ERO1B: variants seen among roughly 807,000 people sequenced by gnomAD.
ERO1B encodes the protein endoplasmic reticulum oxidoreductase 1 beta, also known as ERO1-like protein beta.
In ERO1B, 49 loss-of-function variants were observed where a neutral mutation model predicts 75.3. That is an observed-to-expected ratio of 0.65 (90% confidence interval 0.52 to 0.83). The LOEUF (loss-of-function observed/expected upper bound fraction) is 0.83. Ranked by LOEUF, ERO1B falls within the 40% of genes least tolerant of loss-of-function variation. ERO1B has a pLI of 0.00. For missense variants in ERO1B, 512 were observed against 560.1 expected, an observed-to-expected ratio of 0.91 and a Z score of 0.87; for synonymous variants, 191 against 192.9, an observed-to-expected ratio of 0.99 and a Z score of 0.08.
At chr1:236,230,077 C>T in intron 10 of ERO1B, 147 bp downstream of exon 10, 1 of 627,504 alleles carries the variant, frequency 1.6e-6, no homozygotes, top group Non-Finnish European at 2.8e-6. Flanking sequence ...TAATTTTATC[C>T]CCATATGTTA....
At chr1:236,268,517 A>G (rs1665507661) in intron 2 of ERO1B, among the ~76,000 whole-genome samples, 1 of 152,204 alleles carries the variant, frequency 6.6e-6, no homozygotes, top group Non-Finnish European at 1.5e-5. Flanking sequence ...AGATAGATTG[A>G]TCAATCGATA....
intron 1 of ERO1B, among the ~76,000 whole-genome samples, chr1:236,272,768 G>A (rs2695041): frequency 0.91 from 139,317 of 152,260 alleles, 64,972 homozygotes; most frequent in East Asian, 1. Flanking sequence ...TTCTGGTAAT[G>A]CATCCCTAAA....
intron 1 of ERO1B, among the ~76,000 whole-genome samples, chr1:236,276,488 T>C (rs2102968231): frequency 6.6e-6 from 1 of 152,296 alleles, no homozygotes; most frequent in Non-Finnish European, 1.5e-5. Context: ...AAAAGTTTAG[T>C]ATCCAGGATG....
chr1:236,233,511 C>A (rs2463185), intron 8 of ERO1B, among the ~76,000 whole-genome samples: 66,945 of 149,904 alleles, frequency 0.45, 17,673 homozygotes, highest in Middle Eastern at 0.61. Context: ...AGGCAGAGAA[C>A]TGCTTGAACC....
At chr1:236,275,599 T>C (rs1665693705) in intron 1 of ERO1B, among the ~76,000 whole-genome samples, 1 of 152,154 alleles carries the variant, frequency 6.6e-6, no homozygotes, top group South Asian at 2.1e-4. Flanking sequence ...CACCCACCTC[T>C]CCCCTTCCTG....
At chr1:236,235,740 C>T (rs369013268) in intron 8 of ERO1B, 49 bp downstream of exon 8, 7 of 1,482,118 alleles carry the variant, frequency 4.7e-6, no homozygotes, top group African/African-American at 1.4e-5. Context: ...GTTATAAAGA[C>T]ATTTTATAAA....
chr1:236,246,311 G>A (rs905805437), intron 5 of ERO1B, among the ~76,000 whole-genome samples: 2 of 151,916 alleles, frequency 1.3e-5, no homozygotes, highest in African/African-American at 4.8e-5. Flanking sequence ...TGGGACTATA[G>A]GCTCATGCCA....
chr1:236,262,258 A>G (rs1665309652), intron 2 of ERO1B, among the ~76,000 whole-genome samples: 1 of 152,250 alleles, frequency 6.6e-6, no homozygotes, highest in Non-Finnish European at 1.5e-5. Context: ...AGTCTCTTTA[A>G]TAAAGTGTTG....
At chr1:236,266,603 CAAA>C (rs575184748) in intron 2 of ERO1B, among the ~76,000 whole-genome samples, 1 of 135,248 alleles carries the variant, frequency 7.4e-6, no homozygotes, top group African/African-American at 2.7e-5. Context: ...GACTCTGTCT[CAAA>C]AAAAAAAAAA....
Position 236,281,841 on chromosome 1 carries a change from C to T in ERO1B, c.-58G>A. ...CCCCTCGGGGCCGGGGAACGACGGG[C>T]GGCCCAGGCGACGACCCAAGGGGAC... On this transcript the variant is annotated 5_prime_UTR_variant, in exon 1 of 16. Coordinates refer to ENST00000354619, the MANE Select transcript of ERO1B (RefSeq NM_019891.4). The T allele has an allele frequency of 1.6e-6, 2 of 1,281,920 alleles. No individual in the cohort carries two copies. The highest frequency in any genetic ancestry group is 2.0e-6 in the Non-Finnish European group (2 of 987,960). 79.4% of individuals were successfully genotyped at this position (1,281,920 alleles called of 1,614,324 possible).
intron 8 of ERO1B, among the ~76,000 whole-genome samples, chr1:236,235,375 A>G (rs1393435860): frequency 6.6e-6 from 1 of 152,236 alleles, no homozygotes; most frequent in South Asian, 2.1e-4. Context: ...ACTGGCTGTC[A>G]AACTTGGTTG....
At chr1:236,219,398 C>T (rs1434041482) in intron 15 of ERO1B, among the ~76,000 whole-genome samples, 1 of 152,056 alleles carries the variant, frequency 6.6e-6, no homozygotes, top group East Asian at 1.9e-4. Context: ...AGATATAGAA[C>T]TAAAACAAGA....
At position 236,216,298 on chromosome 1, in the gene ERO1B, G is replaced by C. The variant is rs967285047; in HGVS notation, c.*2218C>G. On this transcript the variant is annotated 3_prime_UTR_variant, in exon 16 of 16. Coordinates refer to ENST00000354619, the MANE Select transcript of ERO1B (RefSeq NM_019891.4). ...GCAAAGCATTTTTACAATGCAAACAGTACTCTAGTATAATATCACTTCACG... is the reference window on the plus strand; with the variant it reads ...GCAAAGCATTTTTACAATGCAAACACTACTCTAGTATAATATCACTTCACG... 3 of 152,024 alleles carry C rather than the reference G, an allele frequency of 2.0e-5. No individual in the cohort carries two copies. Among genetic ancestry groups the C allele is most frequent in the Non-Finnish European group, 4.4e-5 (3 of 67,976 alleles). The allele number at this position is 152,024 out of a possible 1,614,324, so 9.4% of individuals were successfully genotyped here. A position where few individuals can be genotyped will look rare whatever the true frequency, so the allele number is the denominator to read the frequency against.
intron 6 of ERO1B, among the ~76,000 whole-genome samples, chr1:236,239,863 A>ATATATATGTG (rs1664649140): frequency 7.7e-6 from 1 of 130,036 alleles, no homozygotes; most frequent in Non-Finnish European, 1.6e-5. Flanking sequence ...ATATATGTAT[A>ATATATATGTG]TATATATGTG....
In ERO1B at chr1:236,217,073, A is replaced by AG. The variant is rs1664007169; in HGVS notation, c.*1442dup. ...CAAGAGATGGCTAAGTATTTTTAAG[A>AG]GGGGTGAGCCAAGCCAACTAAATAC... is the stretch of plus-strand genomic sequence containing the variant. On this transcript the variant is annotated 3_prime_UTR_variant, in exon 16 of 16. Coordinates refer to ENST00000354619, the MANE Select transcript of ERO1B (RefSeq NM_019891.4). 6.6e-6 allele frequency: 1 copy of AG among 152,066 alleles called. No homozygotes were observed. The highest frequency in any genetic ancestry group is 1.5e-5 in the Non-Finnish European group (1 of 67,942). The allele number at this position is 152,066 out of a possible 1,614,324, so 9.4% of individuals were successfully genotyped here.
Position 236,218,039 on chromosome 1 carries a change from GACACAC to G in ERO1B, c.*471_*476del, listed in dbSNP as rs200051683. The G allele has an allele frequency of 6.6e-6, 1 of 152,162 alleles. No individual in the cohort carries two copies. The highest frequency in any genetic ancestry group is 2.4e-5 in the African/African-American group (1 of 41,442). The allele number at this position is 152,162 out of a possible 1,614,324, so 9.4% of individuals were successfully genotyped here. On this transcript the variant is annotated 3_prime_UTR_variant, in exon 16 of 16. Coordinates refer to ENST00000354619, the MANE Select transcript of ERO1B (RefSeq NM_019891.4). ...AGTATTTCTTTATATTATAGAAAGTGACACACACACAGTGAGGCAAGGGTAAAAACA... is the reference window on the plus strand; with the variant it reads ...AGTATTTCTTTATATTATAGAAAGTGACACAGTGAGGCAAGGGTAAAAACA...
At chr1:236,227,069 A>G (rs1664297789) in intron 10 of ERO1B, among the ~76,000 whole-genome samples, 1 of 152,208 alleles carries the variant, frequency 6.6e-6, no homozygotes, top group Non-Finnish European at 1.5e-5. Flanking sequence ...TAGGCTAAGA[A>G]CTTACTGAAG....
At chr1:236,228,583 T>C (rs1297392553) in intron 10 of ERO1B, among the ~76,000 whole-genome samples, 2 of 152,250 alleles carry the variant, frequency 1.3e-5, no homozygotes, top group Non-Finnish European at 2.9e-5. Context: ...AATGGTTCTC[T>C]TCTTCCTCTT....
At chr1:236,271,253 A>G (rs554084016) in intron 1 of ERO1B, among the ~76,000 whole-genome samples, 1 of 152,304 alleles carries the variant, frequency 6.6e-6, no homozygotes, top group African/African-American at 2.4e-5. Flanking sequence ...GGTTATTTAT[A>G]TGGTCCATAG....
Sources: gnomAD v4.1 joint callset for allele counts (sites outside exome capture counted in the v4.1 genomes callset) on GRCh38, gnomAD v4.1.1 for gene constraint, MANE v1.5 for transcripts, NCBI Gene and HGNC (gene_info 2026-07-23, HGNC 2026-07-21) for gene names.